PLAA: variants seen among roughly 807,000 people sequenced by gnomAD.
The protein encoded by PLAA is phospholipase A2 activating protein.
In PLAA, 48 loss-of-function variants were observed where a neutral mutation model predicts 84.1. The ratio of observed to expected loss-of-function variants is 0.57; its 90% CI spans 0.45 to 0.73. The LOEUF (loss-of-function observed/expected upper bound fraction) is 0.73. Ranked by LOEUF, PLAA falls within the 30% of genes least tolerant of loss-of-function variation. The pLI, the probability that PLAA is intolerant of heterozygous loss-of-function variation, is 0.00. For synonymous variants in PLAA, 392 were observed against 336.6 expected, an observed-to-expected ratio of 1.16 and a Z score of -1.80; for missense variants, 903 against 954.7, an observed-to-expected ratio of 0.95 and a Z score of 0.71.
intron 13 of PLAA, among the ~76,000 whole-genome samples, chr9:26,907,120 A>T (rs1040580501): frequency 2.6e-5 from 4 of 152,116 alleles, no homozygotes; most frequent in African/African-American, 9.7e-5. Flanking sequence ...AGAATTAAAA[A>T]AGACTTAACT....
chr9:26,929,605 C>G (rs546613253), intron 2 of PLAA, among the ~76,000 whole-genome samples: 2 of 152,308 alleles, frequency 1.3e-5, no homozygotes, highest in South Asian at 4.1e-4. Flanking sequence ...TCACAAAAGT[C>G]TCTCTACCCT....
chr9:26,928,462 A>T (rs1329941020), intron 2 of PLAA, 54 bp from the exon 3 acceptor site: 2 of 1,215,058 alleles, frequency 1.6e-6, no homozygotes, highest in Admixed American at 1.7e-5. Flanking sequence ...AATGCTCAAC[A>T]TTGAAAGTTA....
chr9:26,932,857 G>A (rs1322473451), intron 2 of PLAA, among the ~76,000 whole-genome samples: 1 of 152,084 alleles, frequency 6.6e-6, no homozygotes, highest in Non-Finnish European at 1.5e-5. Flanking sequence ...GTTTTTGGTC[G>A]GGCACAGTGG....
chr9:26,907,442 C>T lies in PLAA; in HGVS notation c.1822+392G>A, dbSNP rs1052315197. 1.1e-4 allele frequency among the ~76,000 whole-genome samples: 16 copies of T among 151,852 alleles called. No individual in the cohort carries two copies. The South Asian group carries it at 1.5e-3, about 14-fold the overall frequency. On this transcript the variant is annotated intron_variant, in intron 13 of 13. Coordinates refer to ENST00000397292, the MANE Select transcript of PLAA (RefSeq NM_001031689.3). ...TACTAAGGAGGCTGAGGCAGGAGAA[C>T]GGCGTGAACCCGGGAGGCGGAGCTT... is the stretch of plus-strand genomic sequence containing the variant.
chr9:26,940,758 T>C (rs993510033), intron 1 of PLAA, among the ~76,000 whole-genome samples: 1 of 152,150 alleles, frequency 6.6e-6, no homozygotes, highest in Non-Finnish European at 1.5e-5. Context: ...GAAAGACTAA[T>C]CGAAAGTCTT....
chr9:26,926,705 T>G lies in PLAA; in HGVS notation c.566-145A>C, dbSNP rs927702360. The G allele has an allele frequency of 6.2e-5, 35 of 562,524 alleles. No homozygotes were observed. In the Middle Eastern group the frequency reaches 2.0e-3, roughly 32 times the overall value. The allele number at this position is 562,524 out of a possible 1,614,324, so 34.8% of individuals were successfully genotyped here. A position where few individuals can be genotyped will look rare whatever the true frequency, so the allele number is the denominator to read the frequency against. ...GAAATCTTTTTTTTTGTTGAAAGCC[T>G]GATAACCAAAATTTGTATTTAAGGT... On this transcript the variant is annotated intron_variant, in intron 4 of 13. Coordinates refer to ENST00000397292, the MANE Select transcript of PLAA (RefSeq NM_001031689.3).
At chr9:26,943,356 C>CTAGAA (rs1470860995) in intron 1 of PLAA, among the ~76,000 whole-genome samples, 2 of 152,154 alleles carry the variant, frequency 1.3e-5, no homozygotes, top group Non-Finnish European at 2.9e-5. Context: ...TTCTGCCTCC[C>CTAGAA]TAGAACTAAC....
At chr9:26,928,666 T>C (rs1825062166) in intron 2 of PLAA, among the ~76,000 whole-genome samples, 1 of 152,196 alleles carries the variant, frequency 6.6e-6, no homozygotes, top group Non-Finnish European at 1.5e-5. Context: ...TCAGATTCCT[T>C]GTCTGTGAAA....
chr9:26,934,173 T>C (rs1163549966), intron 2 of PLAA, among the ~76,000 whole-genome samples: 1 of 151,996 alleles, frequency 6.6e-6, no homozygotes, highest in Non-Finnish European at 1.5e-5. Context: ...ATTTCATTTA[T>C]ATTTTTAAAA....
At chr9:26,933,068 C>T (rs559966244) in intron 2 of PLAA, among the ~76,000 whole-genome samples, 2 of 151,878 alleles carry the variant, frequency 1.3e-5, no homozygotes, top group Non-Finnish European at 2.9e-5. Context: ...AAGAGATCGA[C>T]ACCATCCTGG....
intron 6 of PLAA, 68 bp downstream of exon 6, chr9:26,925,757 C>G (rs1259964756): frequency 7.1e-7 from 1 of 1,412,826 alleles, no homozygotes; most frequent in Non-Finnish European, 9.9e-7. Context: ...TGGCTTATCT[C>G]TGTACACTCT....
intron 2 of PLAA, among the ~76,000 whole-genome samples, chr9:26,932,103 A>G (rs1825204378): frequency 6.6e-6 from 1 of 151,204 alleles, no homozygotes; most frequent in Non-Finnish European, 1.5e-5. Context: ...CAAACAAACA[A>G]AACAAACAAA....
intron 12 of PLAA, among the ~76,000 whole-genome samples, chr9:26,909,089 T>G (rs1824322789): frequency 6.6e-6 from 1 of 152,198 alleles, no homozygotes; most frequent in Non-Finnish European, 1.5e-5. Flanking sequence ...AGTATCAGTA[T>G]CCTTTGTATC....
At chr9:26,911,470 G>A (rs1435343291) in intron 11 of PLAA, among the ~76,000 whole-genome samples, 2 of 152,066 alleles carry the variant, frequency 1.3e-5, no homozygotes, top group Non-Finnish European at 2.9e-5. Context: ...CATTGTTTTA[G>A]TACAGAAGGG....
At chr9:26,916,745 G>T (rs1440986810) in intron 10 of PLAA, 1 of 939,200 alleles carries the variant, frequency 1.1e-6, no homozygotes, top group African/African-American at 1.8e-5. Flanking sequence ...AGACAGGTTA[G>T]GTAACTTGCC....
At chr9:26,935,796 CAAAT>C (rs1303910188) in intron 1 of PLAA, among the ~76,000 whole-genome samples, 1 of 151,390 alleles carries the variant, frequency 6.6e-6, no homozygotes, top group African/African-American at 2.4e-5. Flanking sequence ...TAAGCTAAAA[CAAAT>C]AAACAAAAAA....
At chr9:26,941,941 G>A (rs1029572181) in intron 1 of PLAA, among the ~76,000 whole-genome samples, 8 of 151,996 alleles carry the variant, frequency 5.3e-5, no homozygotes, top group Non-Finnish European at 1.5e-5. Flanking sequence ...TGGAACAATG[G>A]ATAGAAGTAG....
Position 26,935,110 on chromosome 9 carries a change from A to G in PLAA, c.246T>C (p.His82=). The G allele has an allele frequency of 6.2e-7, 1 of 1,611,134 alleles. No homozygotes were observed. The highest frequency in any genetic ancestry group is 8.5e-7 in the Non-Finnish European group (1 of 1,178,874). Residue 82 remains histidine (H), a synonymous_variant, in exon 2 of 14, where the codon CAT becomes CAC. Transcript: ENST00000397292. ...CATTTCCACCGGTGGCAATTAGGCCATGAGGGTAGATGTCACTTGAGGGTA... is the reference window on the plus strand; with the variant it reads ...CATTTCCACCGGTGGCAATTAGGCCGTGAGGGTAGATGTCACTTGAGGGTA... ...CIIPSSDIYP[H]GLIATGGNDH... is the part of the protein sequence containing the mutation.
In PLAA at chr9:26,917,121, GTGTGTTAGAAGA is replaced by G. The variant is rs1487883004; in HGVS notation, c.1450_1461del (p.Ser484_Thr487del). Reference sequence around the variant, plus strand: ...CCTGTAAAAGGATCTGCTGTGGGTAGTGTGTTAGAAGATCCCGAAGAGCCCGGAACATACCGA... The same window carrying G: ...CCTGTAAAAGGATCTGCTGTGGGTAGTCCCGAAGAGCCCGGAACATACCGA... On this transcript the variant is annotated inframe_deletion, in exon 10 of 14. Transcript: ENST00000397292. The G allele has an allele frequency of 6.8e-6, 11 of 1,613,794 alleles. No individual in the cohort carries two copies. The African/African-American group carries it at 1.3e-4, about 20-fold the overall frequency.
Sources: gnomAD v4.1 joint callset for allele counts (sites outside exome capture counted in the v4.1 genomes callset) on GRCh38, gnomAD v4.1.1 for gene constraint, MANE v1.5 for transcripts, NCBI Gene and HGNC (gene_info 2026-07-23, HGNC 2026-07-21) for gene names.